Variants in RFT1 observed in about 807,000 individuals in gnomAD.
The protein encoded by RFT1 is RFT1 glycolipid translocator homolog.
Under a neutral mutation model 62.2 loss-of-function variants are expected in RFT1, and 43 were observed. That is an observed-to-expected ratio of 0.69 (90% CI 0.54 to 0.89). The LOEUF (loss-of-function observed/expected upper bound fraction) is 0.89. Among genes scored for constraint, RFT1 ranks in the 40% least tolerant of loss-of-function variants. The pLI, the probability that RFT1 is intolerant of heterozygous loss-of-function variation, is 0.00. For missense variants in RFT1, 605 were observed against 649.9 expected (o/e 0.93, Z 0.75); for synonymous variants, 262 against 264.6 (o/e 0.99, Z 0.10).
At chr3:53,116,546 G>A (rs1322312700) in intron 6 of RFT1, among the ~76,000 whole-genome samples, 1 of 151,574 alleles carries the variant, frequency 6.6e-6, no homozygotes, top group African/African-American at 2.4e-5. Flanking sequence ...CTCCCACTTC[G>A]GTCTCCCAAA....
intron 7 of RFT1, among the ~76,000 whole-genome samples, chr3:53,109,599 C>G (rs1701590169): frequency 1.3e-5 from 2 of 152,056 alleles, no homozygotes; most frequent in African/African-American, 4.8e-5. Context: ...CGCTTGAGTC[C>G]AGGAGTTCAA....
At chr3:53,075,221 T>G in the RFT1 span, among the ~76,000 whole-genome samples, 6 of 152,212 alleles carry the variant, frequency 3.9e-5, no homozygotes, top group Non-Finnish European at 4.4e-5. Context: ...AACCACATAC[T>G]TTCTTCTTCC....
rs892591770 is a variant in RFT1, at chr3:53,088,487, C to T, written c.*3416G>A. 1 of 152,150 alleles carries T rather than the reference C, an allele frequency of 6.6e-6. No homozygotes were observed. Among genetic ancestry groups the T allele is most frequent in the African/African-American group, 2.4e-5 (1 of 41,448 alleles). 9.4% of individuals were successfully genotyped at this position (152,150 alleles called of 1,614,324 possible). On this transcript the variant is annotated 3_prime_UTR_variant, in exon 13 of 13. Transcript: ENST00000296292. ...GGGTATGAAAGAAGAAAGGTCTTTTCAAAAGTGTGAAGAAAATATTTTATT... is the reference window on the plus strand; with the variant it reads ...GGGTATGAAAGAAGAAAGGTCTTTTTAAAAGTGTGAAGAAAATATTTTATT...
chr3:53,118,724 A>C (rs1701878343), intron 6 of RFT1, among the ~76,000 whole-genome samples: 1 of 152,146 alleles, frequency 6.6e-6, no homozygotes, highest in East Asian at 1.9e-4. Flanking sequence ...ACAACGTGGC[A>C]ATATCATCAC....
At chr3:53,095,274 T>G (rs906369216) in intron 11 of RFT1, among the ~76,000 whole-genome samples, 1 of 151,938 alleles carries the variant, frequency 6.6e-6, no homozygotes, top group East Asian at 1.9e-4. Context: ...AAAAAAAAAA[T>G]CACTTTTTAA....
At chr3:53,113,449 T>C (rs927108996) in intron 6 of RFT1, among the ~76,000 whole-genome samples, 1 of 152,234 alleles carries the variant, frequency 6.6e-6, no homozygotes, top group Non-Finnish European at 1.5e-5. Context: ...AAGCCCACTC[T>C]ACCTCTCCAA....
At chr3:53,105,961 G>T in intron 8 of RFT1, among the ~76,000 whole-genome samples, 158 bp from the exon 9 acceptor site, 1 of 152,094 alleles carries the variant, frequency 6.6e-6, no homozygotes, top group South Asian at 2.1e-4. Context: ...GGCCAGGCAC[G>T]GTGGCTCATG....
chr3:53,079,006 A>G, the RFT1 span, among the ~76,000 whole-genome samples: 1 of 152,242 alleles, frequency 6.6e-6, no homozygotes. Context: ...CAGGGCTGGG[A>G]TCGGAATACA....
chr3:53,078,141 C>T, the RFT1 span: 1 of 152,248 alleles, frequency 6.6e-6, no homozygotes, highest in African/African-American at 2.4e-5. Context: ...AGAAGGAGAC[C>T]AGGCTCTTGG....
At chr3:53,094,513 C>G (rs1460488407) in intron 11 of RFT1, among the ~76,000 whole-genome samples, 1 of 152,006 alleles carries the variant, frequency 6.6e-6, no homozygotes, top group Non-Finnish European at 1.5e-5. Context: ...CTGTACCTCA[C>G]AGGGGAAGTT....
chr3:53,125,351 A>C (rs979891325), intron 2 of RFT1, among the ~76,000 whole-genome samples: 3 of 152,222 alleles, frequency 2.0e-5, no homozygotes, highest in African/African-American at 7.2e-5. Context: ...CTTGAACAGA[A>C]AGGAGGCGAG....
chr3:53,072,327 A>T, the RFT1 span, among the ~76,000 whole-genome samples: 4 of 152,132 alleles, frequency 2.6e-5, no homozygotes, highest in African/African-American at 7.2e-5. Flanking sequence ...CAGTCAAATG[A>T]CAGCCTCTCT....
chr3:53,127,057 T>C (rs1702128118), intron 1 of RFT1, among the ~76,000 whole-genome samples: 1 of 152,232 alleles, frequency 6.6e-6, no homozygotes, highest in African/African-American at 2.4e-5. Flanking sequence ...AATCACCATC[T>C]TAACCGTTAT....
chr3:53,124,173 C>T (rs1702047506), intron 2 of RFT1, among the ~76,000 whole-genome samples: 1 of 152,212 alleles, frequency 6.6e-6, no homozygotes, highest in Non-Finnish European at 1.5e-5. Context: ...ATTATAACCC[C>T]ACCCTTCTTG....
At chr3:53,081,264 A>T in the RFT1 span, among the ~76,000 whole-genome samples, 2 of 152,208 alleles carry the variant, frequency 1.3e-5, no homozygotes, top group African/African-American at 4.8e-5. Flanking sequence ...CCATTAAATC[A>T]TGAGTATTTA....
At chr3:53,102,641 C>A (rs1701350973) in intron 10 of RFT1, among the ~76,000 whole-genome samples, 1 of 152,254 alleles carries the variant, frequency 6.6e-6, no homozygotes, top group Non-Finnish European at 1.5e-5. Flanking sequence ...TAATCCCAAA[C>A]AACGGAAGAG....
At chr3:53,092,781 G>A (rs1055983010) in intron 11 of RFT1, among the ~76,000 whole-genome samples, 163 bp from the exon 12 acceptor site, 2 of 152,188 alleles carry the variant, frequency 1.3e-5, no homozygotes, top group South Asian at 4.1e-4. Context: ...GAATGTCCCT[G>A]TCCCCTTACC....
downstream of RFT1, among the ~76,000 whole-genome samples, chr3:53,085,361 T>C (rs1446322546): frequency 6.6e-6 from 1 of 152,110 alleles, no homozygotes; most frequent in Non-Finnish European, 1.5e-5. Flanking sequence ...TCCCCTTCCC[T>C]CCTTCCTAAG....
At chr3:53,124,973 T>A (rs538534468) in intron 2 of RFT1, among the ~76,000 whole-genome samples, 1 of 151,802 alleles carries the variant, frequency 6.6e-6, no homozygotes, top group South Asian at 2.1e-4. Flanking sequence ...GCCTGTCGTC[T>A]CAAAAAAAGA....
Sources: allele counts gnomAD v4.1 joint callset (sites outside exome capture counted in the v4.1 genomes callset), GRCh38; gene constraint gnomAD v4.1.1; transcripts MANE v1.5; gene names NCBI Gene and HGNC (gene_info 2026-07-23, HGNC 2026-07-21).